LTF: variants seen among roughly 807,000 people sequenced by gnomAD.
LTF encodes the protein lactotransferrin.
A neutral mutation model predicts 87.2 loss-of-function variants in LTF; 91 were observed. That is an observed-to-expected ratio of 1.04 (90% confidence interval 0.88 to 1.24). LTF has a LOEUF of 1.24. Ranked by LOEUF, LTF falls within the 50% of genes most tolerant of loss-of-function variation. The probability of loss-of-function intolerance (pLI) is 0.00; values close to 1 mark genes in which losing one functional copy is unlikely to be tolerated. For missense variants in LTF, 901 were observed against 904.3 expected (o/e 1.00, Z 0.05); for synonymous variants, 378 against 356.1 (o/e 1.06, Z -0.69).
chr3:46,464,802 C>T, intron 1 of LTF, 23 bp downstream of exon 1: 1 of 1,613,476 alleles, frequency 6.2e-7, no homozygotes, highest in South Asian at 1.1e-5. Flanking sequence ...AGGCGGCTCG[C>T]GCCCCCAGGC....
intron 11 of LTF, 148 bp downstream of exon 11, chr3:46,446,292 A>G (rs1381244424): frequency 2.3e-5 from 11 of 477,798 alleles, no homozygotes; most frequent in Non-Finnish European, 4.0e-5. Flanking sequence ...TCCTCTGTGA[A>G]TTATTTGCAC....
At chr3:46,468,422 G>A, upstream of LTF, 1 of 431,436 alleles carries the variant, frequency 2.3e-6, no homozygotes, top group South Asian at 1.7e-5. Context: ...GCAGTGGCAA[G>A]AGCTAGTGTT....
At position 46,450,683 on chromosome 3, in the gene LTF, A is replaced by C; in HGVS notation, c.704-10T>G. 1 of 1,604,104 alleles carries C rather than the reference A, an allele frequency of 6.2e-7. No homozygotes were observed. Among genetic ancestry groups the C allele is most frequent in the Non-Finnish European group, 8.5e-7 (1 of 1,171,412 alleles). Reference sequence around the variant, plus strand: ...TCGTCTGACAGGTCCTCTGCAGGGAAGGTGAGGTGGGAGGGAGTCTAGATA... The same window carrying C: ...TCGTCTGACAGGTCCTCTGCAGGGACGGTGAGGTGGGAGGGAGTCTAGATA... On this transcript the variant is annotated splice_polypyrimidine_tract_variant and intron_variant, in intron 6 of 16. Coordinates refer to ENST00000231751, the MANE Select transcript of LTF (RefSeq NM_002343.6).
At chr3:46,455,171 G>A (rs1205697729) in intron 5 of LTF, 124 bp downstream of exon 5, 1 of 1,163,364 alleles carries the variant, frequency 8.6e-7, no homozygotes, top group African/African-American at 1.5e-5. Context: ...CACAGCAGTA[G>A]GAGAACAGAC....
chr3:46,480,730 C>T (rs573978890), intron 1 of LTF, among the ~76,000 whole-genome samples: 4 of 152,270 alleles, frequency 2.6e-5, no homozygotes, highest in Admixed American at 1.3e-4. Flanking sequence ...TGTTATTTTA[C>T]GGGTCACTCT....
chr3:46,435,860 C>A lies in LTF; in HGVS notation c.*335G>T, dbSNP rs760047040. 2.4e-5 allele frequency: 8 copies of A among 337,018 alleles called. No homozygotes were observed. The highest frequency in any genetic ancestry group is 3.9e-5 in the Non-Finnish European group (7 of 180,612). The allele number at this position is 337,018 out of a possible 1,614,324, so 20.9% of individuals were successfully genotyped here. A position where few individuals can be genotyped will look rare whatever the true frequency, so the allele number is the denominator to read the frequency against. ...CGGTGCTTGGCCTGGCCTTAAATTC[C>A]AGACCCTTGGGCATCATACCCAAGA... On this transcript the variant is annotated 3_prime_UTR_variant, in exon 17 of 17. Coordinates refer to ENST00000231751, the MANE Select transcript of LTF (RefSeq NM_002343.6).
chr3:46,482,543 G>A lies in LTF; in HGVS notation c.-320+2443C>T, dbSNP rs1161318011. ...GGGAAGGGAAGGGAAGGGAAGGGAA[G>A]GGAAGGGAAGGGAAGGGAAGGGAAG... On this transcript the variant is annotated intron_variant, in intron 1 of 19. Coordinates refer to the LTF transcript ENST00000443496. Among the ~76,000 whole-genome samples, 366 of 89,646 alleles carry A rather than the reference G, an allele frequency of 4.1e-3. 40 individuals are homozygous for A. Among genetic ancestry groups the A allele is most frequent in the East Asian group, 9.0e-3 (25 of 2,778 alleles). The allele number at this position is 89,646 out of a possible 152,430, so 58.8% of individuals were successfully genotyped here. A position where few individuals can be genotyped will look rare whatever the true frequency, so the allele number is the denominator to read the frequency against.
At chr3:46,478,020 T>C (rs577329304) in intron 1 of LTF, among the ~76,000 whole-genome samples, 1 of 152,276 alleles carries the variant, frequency 6.6e-6, no homozygotes, top group African/African-American at 2.4e-5. Context: ...CCCCAGCCCT[T>C]TTACAGACAT....
At chr3:46,478,872 C>G (rs1372113282) in intron 1 of LTF, among the ~76,000 whole-genome samples, 1 of 152,196 alleles carries the variant, frequency 6.6e-6, no homozygotes, top group Admixed American at 6.5e-5. Context: ...GGTCTCTAAG[C>G]CCAGAGAGGG....
At chr3:46,455,740 A>T in intron 4 of LTF, 56 bp downstream of exon 4, 1 of 1,508,170 alleles carries the variant, frequency 6.6e-7, no homozygotes, top group Non-Finnish European at 8.9e-7. Context: ...GCCTGTGCTT[A>T]CAACTGGAAT....
upstream of LTF, chr3:46,465,025 GCT>G: frequency 5.6e-6 from 4 of 719,820 alleles, no homozygotes; most frequent in Non-Finnish European, 9.6e-6. Context: ...GAGGATCCAG[GCT>G]CCGAAAAGCC....
At chr3:46,457,310 G>A (rs958677993) in intron 2 of LTF, among the ~76,000 whole-genome samples, 11 of 152,168 alleles carry the variant, frequency 7.2e-5, no homozygotes, top group Admixed American at 2.0e-4. Context: ...TCATAATGTG[G>A]GTGTTCTATC....
In LTF at chr3:46,455,942, T is replaced by C. The variant is rs143898414; in HGVS notation, c.353A>G (p.Lys118Arg). 4.2e-5 allele frequency: 68 copies of C among 1,609,308 alleles called. No individual in the cohort carries two copies. The highest frequency in any genetic ancestry group is 3.2e-4 in the African/African-American group (24 of 74,736). ...GTTCAGCTGAAAGCTGCCGCCCTTCTTCACCACAGCCACGGCATAATAGTG... is the reference window on the plus strand; with the variant it reads ...GTTCAGCTGAAAGCTGCCGCCCTTCCTCACCACAGCCACGGCATAATAGTG... ...RTHYYAVAVV[K>R]KGGSFQLNEL... The change falls in exon 4 of 17, where the codon AAG (lysine) becomes AGG (arginine). Residue 118 changes from lysine to arginine, a missense_variant. Physicochemically the swap from Lys to Arg is conservative, Grantham distance 26 (BLOSUM62 2). Coordinates refer to ENST00000231751, the MANE Select transcript of LTF (RefSeq NM_002343.6).
intron 13 of LTF, chr3:46,441,686 T>G: frequency 2.0e-6 from 1 of 509,514 alleles, no homozygotes; most frequent in Non-Finnish European, 3.5e-6. Flanking sequence ...TAAAAGACAT[T>G]ACAAAACCAA....
At position 46,484,382 on chromosome 3, in the gene LTF, C is replaced by T. The variant is rs556337976; in HGVS notation, c.-320+604G>A. 8.5e-5 allele frequency among the ~76,000 whole-genome samples: 13 copies of T among 152,286 alleles called. No homozygotes were observed. The South Asian group carries it at 1.5e-3, about 17-fold the overall frequency. ...ACACTGCTTGATCCTCAGCCATCTC[C>T]GTGAGGTAGGTCCTGTGACCATAAT... is the stretch of plus-strand genomic sequence containing the variant. On this transcript the variant is annotated intron_variant, in intron 1 of 19. Transcript: ENST00000443496.
At chr3:46,461,573 G>C (rs1040996264) in intron 1 of LTF, among the ~76,000 whole-genome samples, 3 of 152,206 alleles carry the variant, frequency 2.0e-5, no homozygotes, top group Admixed American at 2.0e-4. Context: ...GAAATGTCCA[G>C]AAAAGGCAAA....
chr3:46,446,042 G>A (rs766222508), intron 11 of LTF, among the ~76,000 whole-genome samples: 4 of 152,206 alleles, frequency 2.6e-5, no homozygotes, highest in Non-Finnish European at 5.9e-5. Context: ...GTGGTGCACA[G>A]AGCACTGGGA....
chr3:46,445,952 G>A lies in LTF; in HGVS notation c.1357+488C>T, dbSNP rs148140228. 1.5e-3 allele frequency among the ~76,000 whole-genome samples: 235 copies of A among 152,332 alleles called. 4 individuals carry two copies. The highest frequency in any genetic ancestry group is 0.01 in the Middle Eastern group (3 of 294). ...AACATGGTTGCCGTTGTCCTCCTGAGAGAATGCATCTGACAGACACCCACC... is the reference window on the plus strand; with the variant it reads ...AACATGGTTGCCGTTGTCCTCCTGAAAGAATGCATCTGACAGACACCCACC... On this transcript the variant is annotated intron_variant, in intron 11 of 16. Transcript: ENST00000231751.
upstream of LTF, among the ~76,000 whole-genome samples, chr3:46,465,707 T>C (rs193296851): frequency 2.0e-3 from 312 of 152,240 alleles, 1 homozygote; most frequent in Middle Eastern, 0.017. Context: ...GCCATAAATG[T>C]CAGATTTTAA....
Sources: gnomAD v4.1 joint callset for allele counts (sites outside exome capture counted in the v4.1 genomes callset) on GRCh38, gnomAD v4.1.1 for gene constraint, MANE v1.5 for transcripts, NCBI Gene and HGNC (gene_info 2026-07-23, HGNC 2026-07-21) for gene names.